The following CAST variants were observed in gnomAD, a reference collection of about 807,000 sequenced individuals.
The protein encoded by CAST is MIR583 host.
In CAST, 76 loss-of-function variants were observed where a neutral mutation model predicts 119.6. That is an observed-to-expected ratio of 0.64 (90% CI 0.53 to 0.77). The LOEUF (loss-of-function observed/expected upper bound fraction) is 0.77. Among genes scored for constraint, CAST ranks in the 30% least tolerant of loss-of-function variants. The probability of loss-of-function intolerance (pLI) is 0.00; values close to 1 mark genes in which losing one functional copy is unlikely to be tolerated. For synonymous variants in CAST, 319 were observed against 331.6 expected (o/e 0.96, Z 0.41); for missense variants, 953 against 946.5 (o/e 1.01, Z -0.09).
intron 1 of CAST, among the ~76,000 whole-genome samples, chr5:96,588,413 G>T (rs943740648): frequency 4.6e-5 from 7 of 151,912 alleles, no homozygotes; most frequent in African/African-American, 1.7e-4. Flanking sequence ...TGTTGGCCAG[G>T]ATGGCCTTGA....
At chr5:96,191,529 C>G in the CAST span, among the ~76,000 whole-genome samples, 2 of 152,200 alleles carry the variant, frequency 1.3e-5, no homozygotes, top group African/African-American at 4.8e-5. Context: ...AGCTTTTAGC[C>G]TCTCTGCTAC....
chr5:96,422,403 A>G, the CAST span, among the ~76,000 whole-genome samples: 1 of 152,156 alleles, frequency 6.6e-6, no homozygotes, highest in Non-Finnish European at 1.5e-5. Context: ...ACTCAGGTCC[A>G]TGGTGCTCTC....
chr5:96,401,353 A>C, the CAST span, among the ~76,000 whole-genome samples: 1 of 152,164 alleles, frequency 6.6e-6, no homozygotes, highest in Non-Finnish European at 1.5e-5. Flanking sequence ...GGGACAGTAC[A>C]GGTGTGGCCA....
chr5:96,187,849 GTGGTGAT>G, the CAST span, among the ~76,000 whole-genome samples: 1 of 152,238 alleles, frequency 6.6e-6, no homozygotes, highest in Non-Finnish European at 1.5e-5. Context: ...TTGACTGACT[GTGGTGAT>G]GGTAGAATGA....
the CAST span, among the ~76,000 whole-genome samples, chr5:96,361,377 A>T: frequency 2.0e-5 from 3 of 151,934 alleles, no homozygotes; most frequent in African/African-American, 7.3e-5. Flanking sequence ...CCACTGGGGT[A>T]TGAAAAAAAA....
At chr5:96,119,681 C>T in the CAST span, among the ~76,000 whole-genome samples, 6 of 152,148 alleles carry the variant, frequency 3.9e-5, no homozygotes, top group Non-Finnish European at 8.8e-5. Context: ...AACCTTTATT[C>T]AGCTGTTTAT....
chr5:96,725,578 A>T (rs924098987), intron 4 of CAST, among the ~76,000 whole-genome samples: 1 of 152,252 alleles, frequency 6.6e-6, no homozygotes, highest in Non-Finnish European at 1.5e-5. Context: ...ATTAATACAC[A>T]TTAGTTATTA....
chr5:96,223,950 A>G, the CAST span, among the ~76,000 whole-genome samples: 1 of 152,224 alleles, frequency 6.6e-6, no homozygotes, highest in Admixed American at 6.5e-5. Context: ...TAGGTACAGA[A>G]AGAAATAGTG....
the CAST span, among the ~76,000 whole-genome samples, chr5:96,017,283 A>G: frequency 2.0e-5 from 3 of 152,202 alleles, no homozygotes; most frequent in Non-Finnish European, 4.4e-5. Context: ...TCCAAGATCA[A>G]AGTGTTATCA....
At chr5:96,632,817 G>T (rs1002127327) in intron 1 of CAST, among the ~76,000 whole-genome samples, 1 of 152,124 alleles carries the variant, frequency 6.6e-6, no homozygotes, top group Non-Finnish European at 1.5e-5. Flanking sequence ...ACAGTAGCAC[G>T]CTGTATTGAT....
At chr5:96,450,426 G>A in the CAST span, among the ~76,000 whole-genome samples, 5 of 152,254 alleles carry the variant, frequency 3.3e-5, no homozygotes, top group African/African-American at 1.2e-4. Flanking sequence ...AACAGACACT[G>A]GAGACTCCAA....
the CAST span, among the ~76,000 whole-genome samples, chr5:96,086,253 A>G: frequency 6.6e-6 from 1 of 152,164 alleles, no homozygotes; most frequent in African/African-American, 2.4e-5. Context: ...CCAGGATCAG[A>G]ACCTGCAAAT....
chr5:96,712,470 A>G (rs1756366255), intron 3 of CAST, among the ~76,000 whole-genome samples: 1 of 152,118 alleles, frequency 6.6e-6, no homozygotes, highest in South Asian at 2.1e-4. Flanking sequence ...GCCTGGGACC[A>G]CAGGTGTGTG....
the CAST span, among the ~76,000 whole-genome samples, chr5:95,998,329 A>G: frequency 2.0e-5 from 3 of 152,156 alleles, no homozygotes; most frequent in South Asian, 6.2e-4. Context: ...GTATAGTGGT[A>G]AAGTCTAGAT....
the CAST span, among the ~76,000 whole-genome samples, chr5:96,091,941 CT>C: frequency 1.3e-5 from 2 of 152,212 alleles, no homozygotes; most frequent in East Asian, 3.9e-4. Flanking sequence ...CCTTGGCTGT[CT>C]CCATTTGATG....
chr5:96,756,036 A>G (rs1766246620), intron 22 of CAST, among the ~76,000 whole-genome samples: 1 of 152,186 alleles, frequency 6.6e-6, no homozygotes, highest in Non-Finnish European at 1.5e-5. Context: ...TGATCACTTT[A>G]TTCTGTAGTC....
chr5:96,360,152 C>T, the CAST span, among the ~76,000 whole-genome samples: 54 of 152,024 alleles, frequency 3.6e-4, 1 homozygote, highest in East Asian at 9.9e-3. Flanking sequence ...GTATGCTTCA[C>T]AGAGTTCTCA....
At chr5:96,026,351 C>T in the CAST span, among the ~76,000 whole-genome samples, 1 of 152,144 alleles carries the variant, frequency 6.6e-6, no homozygotes, top group Non-Finnish European at 1.5e-5. Flanking sequence ...AGGAAATAGA[C>T]AGGTGAGCTC....
intron 24 of CAST, among the ~76,000 whole-genome samples, chr5:96,759,876 G>A (rs562303205): frequency 1.6e-4 from 24 of 151,860 alleles, no homozygotes; most frequent in Admixed American, 3.9e-4. Context: ...TAACATAAAT[G>A]TGAGAAAATA....
Sources: gnomAD v4.1 joint callset for allele counts (sites outside exome capture counted in the v4.1 genomes callset) on GRCh38, gnomAD v4.1.1 for gene constraint, MANE v1.5 for transcripts, NCBI Gene and HGNC (gene_info 2026-07-23, HGNC 2026-07-21) for gene names.